The following IFT43 variants were observed in gnomAD, a reference collection of about 807,000 sequenced individuals.
IFT43 encodes intraflagellar transport protein 43 homolog.
In IFT43, 33 loss-of-function variants were observed where a neutral mutation model predicts 32.3. The ratio of observed to expected loss-of-function variants is 1.02; its 90% CI spans 0.77 to 1.37. The LOEUF is 1.37. Ranked by LOEUF, IFT43 falls within the 40% of genes most tolerant of loss-of-function variation. IFT43 has a pLI of 0.00. For synonymous variants in IFT43, 93 were observed against 98.2 expected (o/e 0.95, Z 0.31); for missense variants, 274 against 265.9 (o/e 1.03, Z -0.21).
intron 3 of IFT43, among the ~76,000 whole-genome samples, chr14:76,046,646 C>A (rs572657925): frequency 6.6e-6 from 1 of 152,328 alleles, no homozygotes; most frequent in Admixed American, 6.5e-5. Context: ...CCGAGCACTT[C>A]CTGTGTGCCA....
intron 3 of IFT43, among the ~76,000 whole-genome samples, chr14:76,052,957 C>G (rs976268115): frequency 6.6e-6 from 1 of 152,018 alleles, no homozygotes; most frequent in South Asian, 2.1e-4. Flanking sequence ...TTGAAATGCC[C>G]GCATGTCTCC....
intron 2 of IFT43, among the ~76,000 whole-genome samples, chr14:75,996,967 G>T (rs868256571): frequency 3.3e-5 from 5 of 152,216 alleles, no homozygotes; most frequent in African/African-American, 4.8e-5. Context: ...TGATTTAGGG[G>T]CTTGCAGAGA....
intron 5 of IFT43, among the ~76,000 whole-genome samples, chr14:76,062,938 A>AAAAAAAAAAAAAAAAGAAAAAAG (rs1485146040): frequency 7.4e-5 from 9 of 120,830 alleles, no homozygotes; most frequent in African/African-American, 1.6e-4. Flanking sequence ...AAAAAAAAAA[A>AAAAAAAAAAAAAAAAGAAAAAAG]AAAGAAAATA....
chr14:76,075,858 A>G (rs2037403156), intron 5 of IFT43, among the ~76,000 whole-genome samples: 1 of 152,264 alleles, frequency 6.6e-6, no homozygotes, highest in Non-Finnish European at 1.5e-5. Context: ...TCAGTAAAAC[A>G]AAGTTTTGTA....
At chr14:75,987,643 G>A (rs529314863) in intron 1 of IFT43, among the ~76,000 whole-genome samples, 1 of 152,150 alleles carries the variant, frequency 6.6e-6, no homozygotes, top group Non-Finnish European at 1.5e-5. Flanking sequence ...AGATCTAAAA[G>A]TGCTTATATT....
At chr14:76,080,403 T>G (rs2037488120) in intron 5 of IFT43, among the ~76,000 whole-genome samples, 1 of 152,054 alleles carries the variant, frequency 6.6e-6, no homozygotes, top group Non-Finnish European at 1.5e-5. Flanking sequence ...GGGAAGCCTG[T>G]GGGGAGTGAG....
chr14:75,985,810 CGAG>C lies in IFT43; in HGVS notation c.28_30del (p.Glu10del). The C allele has an allele frequency of 4.3e-6, 7 of 1,614,146 alleles. No individual in the cohort carries two copies. The highest frequency in any genetic ancestry group is 5.9e-6 in the Non-Finnish European group (7 of 1,180,016). On this transcript the variant is annotated inframe_deletion, in exon 1 of 9. Transcript: ENST00000314067. ...AGATGGAGGATTTGCTCGACTTGGA[CGAG>C]GAGCTTCGCTACAGCTTGGCTACCT...
intron 3 of IFT43, among the ~76,000 whole-genome samples, chr14:76,055,118 A>T (rs373870617): frequency 8.5e-5 from 13 of 152,296 alleles, no homozygotes; most frequent in African/African-American, 1.4e-4. Context: ...CAAAAGCAGG[A>T]GAATTGCTTG....
chr14:76,013,374 C>T (rs1440955600), intron 2 of IFT43, among the ~76,000 whole-genome samples: 1 of 152,166 alleles, frequency 6.6e-6, no homozygotes, highest in African/African-American at 2.4e-5. Context: ...CTGGTGAGGG[C>T]GTTCGCACCC....
chr14:75,992,574 C>T (rs1439471322), intron 2 of IFT43, among the ~76,000 whole-genome samples: 1 of 152,072 alleles, frequency 6.6e-6, no homozygotes, highest in Non-Finnish European at 1.5e-5. Context: ...GAGGCAGGGT[C>T]TTGCTCTGTC....
intron 3 of IFT43, among the ~76,000 whole-genome samples, chr14:76,049,386 C>T (rs187838539): frequency 3.9e-5 from 6 of 152,088 alleles, no homozygotes; most frequent in Non-Finnish European, 7.4e-5. Flanking sequence ...CAAAATAGGC[C>T]GTACGCTCTT....
downstream of IFT43, chr14:76,084,060 G>T: frequency 2.2e-6 from 1 of 446,528 alleles, no homozygotes; most frequent in Non-Finnish European, 4.5e-6. Flanking sequence ...GGGAGGAGGC[G>T]GCGGGAGGGA....
intron 5 of IFT43, among the ~76,000 whole-genome samples, chr14:76,071,915 C>T (rs1163773425): frequency 6.6e-6 from 1 of 151,942 alleles, no homozygotes; most frequent in South Asian, 2.1e-4. Flanking sequence ...CTCCTAACCC[C>T]CCCTGCTCAC....
At chr14:76,031,091 T>C (rs887160233) in intron 3 of IFT43, among the ~76,000 whole-genome samples, 14 of 148,546 alleles carry the variant, frequency 9.4e-5, no homozygotes, top group African/African-American at 3.2e-4. Context: ...ATAAATTATA[T>C]ATGTATATAT....
At chr14:76,059,138 T>C (rs2037082370) in intron 4 of IFT43, 189 bp from the exon 5 acceptor site, 2 of 1,502,034 alleles carry the variant, frequency 1.3e-6, no homozygotes, top group South Asian at 2.6e-5. Context: ...GAATAGTGCA[T>C]CGCACAGCCT....
At chr14:76,004,166 A>T (rs2035940435) in intron 2 of IFT43, among the ~76,000 whole-genome samples, 1 of 152,158 alleles carries the variant, frequency 6.6e-6, no homozygotes, top group Non-Finnish European at 1.5e-5. Flanking sequence ...CTAAGTTTCC[A>T]TCTGGGGGTG....
intron 5 of IFT43, 138 bp from the exon 6 acceptor site, chr14:76,082,157 G>T: frequency 1.2e-6 from 1 of 801,794 alleles, no homozygotes. Flanking sequence ...CCTACCCCTA[G>T]TTTGTATCTG....
At chr14:76,011,966 C>T (rs936645946) in intron 2 of IFT43, among the ~76,000 whole-genome samples, 3 of 152,270 alleles carry the variant, frequency 2.0e-5, no homozygotes, top group South Asian at 2.1e-4. Context: ...TTTCTTGGAT[C>T]TTCTCTAAGA....
chr14:76,065,190 TG>T (rs1264451773), intron 5 of IFT43, among the ~76,000 whole-genome samples: 2 of 152,202 alleles, frequency 1.3e-5, no homozygotes, highest in African/African-American at 2.4e-5. Context: ...AGAGAAACTC[TG>T]GTCCTCTGAC....
Sources: gnomAD v4.1 joint callset for allele counts (sites outside exome capture counted in the v4.1 genomes callset) on GRCh38, gnomAD v4.1.1 for gene constraint, MANE v1.5 for transcripts, NCBI Gene and HGNC (gene_info 2026-07-23, HGNC 2026-07-21) for gene names.